RABIF: variants seen among roughly 807,000 people sequenced by gnomAD.
RABIF encodes the protein RAB interacting factor.
In RABIF, 13 loss-of-function variants were observed where a neutral mutation model predicts 12.3. That is an observed-to-expected ratio of 1.06 (90% confidence interval 0.69 to 1.68). RABIF has a LOEUF of 1.68. Among genes scored for constraint, RABIF ranks in the 40% most tolerant of loss-of-function variants. RABIF has a pLI of 0.00. For missense variants in RABIF, 153 were observed against 158.0 expected (o/e 0.97, Z 0.17); for synonymous variants, 70 against 63.3 (o/e 1.11, Z -0.50).
At chr1:202,888,440 A>T (rs542974126) in intron 1 of RABIF, among the ~76,000 whole-genome samples, 1 of 152,310 alleles carries the variant, frequency 6.6e-6, no homozygotes, top group African/African-American at 2.4e-5. Flanking sequence ...CCGCGTCCCC[A>T]ACACCAGTTG....
At chr1:202,885,014 G>C (rs1382873156) in intron 1 of RABIF, among the ~76,000 whole-genome samples, 1 of 151,126 alleles carries the variant, frequency 6.6e-6, no homozygotes, top group African/African-American at 2.4e-5. Context: ...CTTGAACCCA[G>C]GAGGCGGAGG....
At chr1:202,882,966 G>C (rs1267164536) in intron 1 of RABIF, among the ~76,000 whole-genome samples, 1 of 152,104 alleles carries the variant, frequency 6.6e-6, no homozygotes, top group East Asian at 1.9e-4. Flanking sequence ...GGAATTATTA[G>C]CTCTAGGATG....
In RABIF at chr1:202,878,710, CG is replaced by C. The variant is rs758507039; in HGVS notation, c.*2267del. On this transcript the variant is annotated 3_prime_UTR_variant, in exon 2 of 2. Coordinates refer to ENST00000367262, the MANE Select transcript of RABIF (RefSeq NM_002871.5). ...ATCAACTGCTCTCCCCAATAGAAAACGGAAGTTTCTATACTCGGAGCAGAAA... is the reference window on the plus strand; with the variant it reads ...ATCAACTGCTCTCCCCAATAGAAAACGAAGTTTCTATACTCGGAGCAGAAA... 2.6e-5 allele frequency among the ~76,000 whole-genome samples: 4 copies of C among 152,210 alleles called. No individual in the cohort carries two copies. Among genetic ancestry groups the C allele is most frequent in the Non-Finnish European group, 5.9e-5 (4 of 68,036 alleles).
chr1:202,887,027 T>G (rs76970676), intron 1 of RABIF, among the ~76,000 whole-genome samples: 262 of 31,124 alleles, frequency 8.4e-3, no homozygotes, highest in Middle Eastern at 0.02. Flanking sequence ...GGGCTATGTT[T>G]TGTTTTTTTT....
At position 202,880,937 on chromosome 1, in the gene RABIF, G is replaced by C. The variant is rs781541009; in HGVS notation, c.*41C>G. On this transcript the variant is annotated 3_prime_UTR_variant, in exon 2 of 2. Coordinates refer to ENST00000367262, the MANE Select transcript of RABIF (RefSeq NM_002871.5). ...TAAAGGCCAGTTCTTGTGGGGAGTA[G>C]GTTTATCTTTGGAGATGGAGCTGAG... 6.2e-7 allele frequency: 1 copy of C among 1,606,302 alleles called. No individual in the cohort carries two copies. The highest frequency in any genetic ancestry group is 8.5e-7 in the Non-Finnish European group (1 of 1,174,656).
chr1:202,881,608 C>T (rs968898292), intron 1 of RABIF, among the ~76,000 whole-genome samples: 2 of 152,120 alleles, frequency 1.3e-5, no homozygotes, highest in African/African-American at 2.4e-5. Flanking sequence ...GGGGTTTCAC[C>T]GTGTTAGCCA....
chr1:202,884,074 C>A (rs1379318695), intron 1 of RABIF, among the ~76,000 whole-genome samples: 1 of 152,114 alleles, frequency 6.6e-6, no homozygotes, highest in African/African-American at 2.4e-5. Flanking sequence ...TGCGAAGTTG[C>A]CAGTGAGATC....
chr1:202,887,554 G>A, intron 1 of RABIF, among the ~76,000 whole-genome samples: 1 of 149,254 alleles, frequency 6.7e-6, no homozygotes, highest in Non-Finnish European at 1.5e-5. Flanking sequence ...CTGGAGTGCA[G>A]TGACTCAATC....
intron 1 of RABIF, among the ~76,000 whole-genome samples, chr1:202,886,069 C>G (rs543573606): frequency 4.6e-5 from 7 of 151,452 alleles, no homozygotes; most frequent in Non-Finnish European, 1.0e-4. Context: ...AGAATAGGGA[C>G]CACTGTGTTC....
intron 1 of RABIF, 77 bp downstream of exon 1, chr1:202,888,896 C>T: frequency 3.5e-6 from 5 of 1,433,338 alleles, no homozygotes; most frequent in Non-Finnish European, 4.6e-6. Context: ...AATTGAAGAG[C>T]CGGGGTTCAG....
intron 1 of RABIF, among the ~76,000 whole-genome samples, 173 bp downstream of exon 1, chr1:202,888,800 T>C (rs942410548): frequency 1.3e-5 from 2 of 152,186 alleles, no homozygotes; most frequent in Non-Finnish European, 2.9e-5. Flanking sequence ...CTCCCTAGCC[T>C]TCAGCGGCCC....
Position 202,879,032 on chromosome 1 carries a change from A to T in RABIF, c.*1946T>A, listed in dbSNP as rs916801829. 1.3e-5 allele frequency: 2 copies of T among 152,258 alleles called. No homozygotes were observed. The highest frequency in any genetic ancestry group is 4.8e-5 in the African/African-American group (2 of 41,476). 9.4% of individuals were successfully genotyped at this position (152,258 alleles called of 1,614,324 possible). A position where few individuals can be genotyped will look rare whatever the true frequency, so the allele number is the denominator to read the frequency against. On this transcript the variant is annotated 3_prime_UTR_variant, in exon 2 of 2. Transcript: ENST00000367262. Reference sequence around the variant, plus strand: ...GAATAGCAACCTGATATTTTTGGCTACTAGGGCAACATTTGGCAGTTCTCA... The same window carrying T: ...GAATAGCAACCTGATATTTTTGGCTTCTAGGGCAACATTTGGCAGTTCTCA...
chr1:202,885,964 CAA>C (rs34865622), intron 1 of RABIF, among the ~76,000 whole-genome samples: 5,756 of 133,032 alleles, frequency 0.043, 147 homozygotes, highest in South Asian at 0.12. Context: ...AAACACAACC[CAA>C]AAAAAAAAAA....
At chr1:202,885,473 C>T (rs916568863) in intron 1 of RABIF, among the ~76,000 whole-genome samples, 3 of 152,196 alleles carry the variant, frequency 2.0e-5, no homozygotes, top group African/African-American at 4.8e-5. Flanking sequence ...CGGCTGGGAG[C>T]GCTCCTTTAA....
intron 1 of RABIF, among the ~76,000 whole-genome samples, chr1:202,887,260 A>T (rs1659577262): frequency 6.6e-6 from 1 of 151,718 alleles, no homozygotes; most frequent in South Asian, 2.1e-4. Flanking sequence ...AGCTTGTCCA[A>T]CCCGCGGCCG....
chr1:202,882,915 T>C (rs966011002), intron 1 of RABIF, among the ~76,000 whole-genome samples: 2 of 152,224 alleles, frequency 1.3e-5, no homozygotes, highest in Non-Finnish European at 2.9e-5. Flanking sequence ...AGGGATATAC[T>C]GGATTTATCT....
At chr1:202,882,519 G>A (rs1175266349) in intron 1 of RABIF, among the ~76,000 whole-genome samples, 1 of 152,136 alleles carries the variant, frequency 6.6e-6, no homozygotes, top group East Asian at 1.9e-4. Context: ...TCATGCCACT[G>A]TACTCCAACC....
At chr1:202,886,377 G>C (rs1659562822) in intron 1 of RABIF, among the ~76,000 whole-genome samples, 1 of 151,366 alleles carries the variant, frequency 6.6e-6, no homozygotes, top group African/African-American at 2.4e-5. Context: ...AGGTCCTGCC[G>C]GGCGGAGCGG....
rs745631846 is a variant in RABIF at position 202,881,209 on chromosome 1, G to A, written c.141C>T (p.Ser47=). 5.0e-6 allele frequency: 8 copies of A among 1,612,200 alleles called. No individual in the cohort carries two copies. The highest frequency in any genetic ancestry group is 3.3e-5 in the Admixed American group (2 of 59,842). ...LFSRRQLFLP[S]MRKKPALSDG... is the part of the protein sequence containing the mutation. ...CAGACAGAGCTGGCTTCTTTCTCAT[G>A]GAGGGAAGGAAAAGCTGCAGTGGGA... The change falls in exon 2 of 2, where the codon TCC becomes TCT. Residue 47 remains serine (S), a synonymous_variant. Coordinates refer to ENST00000367262, the MANE Select transcript of RABIF (RefSeq NM_002871.5).
Sources: gnomAD v4.1 joint callset for allele counts (sites outside exome capture counted in the v4.1 genomes callset) on GRCh38, gnomAD v4.1.1 for gene constraint, MANE v1.5 for transcripts, NCBI Gene and HGNC (gene_info 2026-07-23, HGNC 2026-07-21) for gene names.